ACVR1: variants seen among roughly 807,000 people sequenced by gnomAD.
ACVR1 encodes activin A receptor type 1.
ACVR1 carries 38 observed loss-of-function variants against 57.1 expected under a neutral mutation model. The observed-to-expected ratio is 0.67, with a 90% CI of 0.51 to 0.87. ACVR1 has a LOEUF of 0.87. Among genes scored for constraint, ACVR1 ranks in the 40% least tolerant of loss-of-function variants. The pLI, the probability that ACVR1 is intolerant of heterozygous loss-of-function variation, is 0.00. For missense variants in ACVR1, 463 were observed against 638.2 expected, an observed-to-expected ratio of 0.73 and a Z score of 2.96; for synonymous variants, 212 against 228.1, an observed-to-expected ratio of 0.93 and a Z score of 0.63.
intron 2 of ACVR1, among the ~76,000 whole-genome samples, chr2:157,803,741 T>C (rs1687410913): frequency 6.6e-6 from 1 of 152,170 alleles, no homozygotes; most frequent in Non-Finnish European, 1.5e-5. Context: ...ATTGCCTTAC[T>C]CCAGTATTTT....
intron 8 of ACVR1, 76 bp downstream of exon 8, chr2:157,765,845 G>T: frequency 6.8e-7 from 1 of 1,470,698 alleles, no homozygotes; most frequent in Non-Finnish European, 9.4e-7. Flanking sequence ...ACATGTTGTG[G>T]GGGAGAGATG....
intron 9 of ACVR1, among the ~76,000 whole-genome samples, chr2:157,748,393 T>G (rs1364860702): frequency 1.3e-5 from 2 of 152,222 alleles, no homozygotes; most frequent in Non-Finnish European, 2.9e-5. Flanking sequence ...CTAAATTGTT[T>G]GTTAAGATAA....
rs1688030134 is a variant in ACVR1, at chr2:157,818,507, G to C, written c.-130C>G. ...GTAGAAGAGGCGTTCCTGGGATTAT[G>C]AGTTCTCCAGCAGCTCTCACTTTGG... On this transcript the variant is annotated 5_prime_UTR_variant, in exon 2 of 11. Coordinates refer to ENST00000434821, the MANE Select transcript of ACVR1 (RefSeq NM_001111067.4). The C allele has an allele frequency of 6.6e-6, 1 of 152,214 alleles. No homozygotes were observed. Among genetic ancestry groups the C allele is most frequent in the Non-Finnish European group, 1.5e-5 (1 of 68,076 alleles). 9.4% of individuals were successfully genotyped at this position (152,214 alleles called of 1,614,324 possible).
chr2:157,800,997 G>A (rs1002975700), intron 2 of ACVR1, among the ~76,000 whole-genome samples: 10 of 152,000 alleles, frequency 6.6e-5, no homozygotes, highest in South Asian at 2.1e-4. Context: ...ATCAGCCCCC[G>A]GCATGGAATC....
intron 1 of ACVR1, among the ~76,000 whole-genome samples, chr2:157,843,075 G>C (rs190119337): frequency 6.6e-6 from 1 of 152,266 alleles, no homozygotes; most frequent in Admixed American, 6.5e-5. Flanking sequence ...GAATTTGGAG[G>C]TAGAGGCCTT....
chr2:157,759,641 A>C, intron 9 of ACVR1, among the ~76,000 whole-genome samples: 1 of 152,134 alleles, frequency 6.6e-6, no homozygotes, highest in South Asian at 2.1e-4. Context: ...CACAACAAAA[A>C]AAGAAAACTA....
At chr2:157,832,714 A>G (rs1429710861) in intron 1 of ACVR1, among the ~76,000 whole-genome samples, 1 of 152,236 alleles carries the variant, frequency 6.6e-6, no homozygotes, top group African/African-American at 2.4e-5. Context: ...ATAGCTTTGC[A>G]TCAGAATTCA....
chr2:157,740,748 T>C (rs1684722933), intron 9 of ACVR1, among the ~76,000 whole-genome samples: 1 of 152,242 alleles, frequency 6.6e-6, no homozygotes, highest in African/African-American at 2.4e-5. Flanking sequence ...ACAATGAATT[T>C]CACTATACAA....
chr2:157,777,629 G>A (rs1055552860), intron 5 of ACVR1, among the ~76,000 whole-genome samples: 2 of 152,162 alleles, frequency 1.3e-5, no homozygotes, highest in South Asian at 4.1e-4. Flanking sequence ...CCAAATGACT[G>A]CACTCCACAA....
At chr2:157,738,391 T>C in intron 10 of ACVR1, 49 bp downstream of exon 10, 2 of 1,613,386 alleles carry the variant, frequency 1.2e-6, no homozygotes, top group South Asian at 1.1e-5. Flanking sequence ...GGGAAACAAA[T>C]AGCAAACAAT....
chr2:157,858,957 G>A (rs1384426423), intron 1 of ACVR1, among the ~76,000 whole-genome samples: 2 of 152,070 alleles, frequency 1.3e-5, no homozygotes, highest in African/African-American at 4.8e-5. Flanking sequence ...GCTCTACTTG[G>A]ACATCCCAAG....
intron 1 of ACVR1, among the ~76,000 whole-genome samples, chr2:157,859,426 T>TG: frequency 6.6e-6 from 1 of 152,298 alleles, no homozygotes; most frequent in East Asian, 1.9e-4. Context: ...CAGCAGCCCT[T>TG]GGGGGGCTAT....
intron 9 of ACVR1, among the ~76,000 whole-genome samples, chr2:157,750,749 G>A (rs1387845737): frequency 6.6e-6 from 1 of 151,938 alleles, no homozygotes; most frequent in Non-Finnish European, 1.5e-5. Context: ...AGATTCCAAT[G>A]AAGAAAAAAT....
intron 5 of ACVR1, among the ~76,000 whole-genome samples, chr2:157,777,120 C>A (rs1207400152): frequency 6.6e-6 from 1 of 152,114 alleles, no homozygotes; most frequent in African/African-American, 2.4e-5. Context: ...GCAAGTGATA[C>A]CCTTTCCCCA....
At chr2:157,848,577 A>C (rs1249731696) in intron 1 of ACVR1, among the ~76,000 whole-genome samples, 2 of 152,232 alleles carry the variant, frequency 1.3e-5, no homozygotes, top group African/African-American at 4.8e-5. Context: ...CTGACTCACT[A>C]AACTGTGAGC....
At chr2:157,738,663 A>G (rs757483455) in intron 9 of ACVR1, 93 bp from the exon 10 acceptor site, 6 of 1,584,892 alleles carry the variant, frequency 3.8e-6, no homozygotes, top group Non-Finnish European at 5.2e-6. Context: ...ATAATGTGAC[A>G]GAAGAAAATA....
At chr2:157,778,385 T>C (rs2105278227) in intron 4 of ACVR1, 43 bp from the exon 5 acceptor site, 17 of 1,496,550 alleles carry the variant, frequency 1.1e-5, no homozygotes, top group Non-Finnish European at 1.6e-5. Flanking sequence ...TAAGGATCAC[T>C]GCTTACTTAT....
intron 2 of ACVR1, among the ~76,000 whole-genome samples, chr2:157,801,837 A>G (rs911349535): frequency 5.9e-5 from 9 of 152,212 alleles, no homozygotes; most frequent in African/African-American, 2.2e-4. Context: ...GCTGAACTAA[A>G]CTATTTCTTA....
rs144019180 is a variant in ACVR1, at chr2:157,843,990, A to C, written c.-182-25431T>G. ...GATAATCTTGAAATTAAGCCAAATA[A>C]AGAAAAGAGAATAATTGGGAAAACA... On this transcript the variant is annotated intron_variant, in intron 1 of 10. Coordinates refer to ENST00000434821, the MANE Select transcript of ACVR1 (RefSeq NM_001111067.4). 4.6e-5 allele frequency among the ~76,000 whole-genome samples: 7 copies of C among 152,320 alleles called. 1 individual carries two copies. The East Asian group carries it at 1.3e-3, about 29-fold the overall frequency.
Sources: allele counts gnomAD v4.1 joint callset (sites outside exome capture counted in the v4.1 genomes callset), GRCh38; gene constraint gnomAD v4.1.1; transcripts MANE v1.5; gene names NCBI Gene and HGNC (gene_info 2026-07-23, HGNC 2026-07-21).